KRABD3: variants seen among roughly 807,000 people sequenced by gnomAD.
The protein encoded by KRABD3 is KRAB domain containing 3.
chr7:149,722,791 C>T, the KRABD3 span: 1 of 1,602,122 alleles, frequency 6.2e-7, no homozygotes, highest in Non-Finnish European at 8.5e-7. Context: ...AGGAATTTCT[C>T]CTGGGAACAG....
At chr7:149,720,550 G>A in the KRABD3 span, among the ~76,000 whole-genome samples, 1 of 152,200 alleles carries the variant, frequency 6.6e-6, no homozygotes, top group Non-Finnish European at 1.5e-5. Context: ...GAAGTGTAGC[G>A]GCAGCCCGCC....
At chr7:149,721,063 T>C in the KRABD3 span, 2 of 1,540,474 alleles carry the variant, frequency 1.3e-6, no homozygotes, top group Non-Finnish European at 1.8e-6. Context: ...TCCACGGCAC[T>C]GCACTGCATG....
the KRABD3 span, chr7:149,721,791 A>C: frequency 1.5e-6 from 1 of 650,930 alleles, no homozygotes; most frequent in Non-Finnish European, 2.8e-6. Context: ...CACTTTGTAC[A>C]CAGAAAGTCT....
At chr7:149,729,249 C>A in the KRABD3 span, 4 of 1,602,860 alleles carry the variant, frequency 2.5e-6, no homozygotes, top group African/African-American at 2.7e-5. Context: ...AAGCGCCCAC[C>A]CGGAGCCTCC....
At chr7:149,729,569 G>T in the KRABD3 span, 1 of 985,454 alleles carries the variant, frequency 1.0e-6, no homozygotes, top group Non-Finnish European at 1.2e-6. Flanking sequence ...CAAGGAGCGG[G>T]GTCGGGAAGA....
the KRABD3 span, chr7:149,728,472 G>A: frequency 6.3e-7 from 1 of 1,594,020 alleles, no homozygotes; most frequent in Non-Finnish European, 8.5e-7. Context: ...TCTGCAGTTT[G>A]CAGAGATTGA....
the KRABD3 span, chr7:149,721,818 T>C: frequency 1.6e-6 from 1 of 606,912 alleles, no homozygotes; most frequent in Admixed American, 2.1e-5. Context: ...GTTTCTAACA[T>C]GCAGGCCCAC....
At chr7:149,734,039 G>A in the KRABD3 span, 3 of 1,602,856 alleles carry the variant, frequency 1.9e-6, no homozygotes, top group South Asian at 1.1e-5. Flanking sequence ...GAGATGGGGG[G>A]CGCATTGATG....
the KRABD3 span, chr7:149,723,672 T>C: frequency 6.5e-7 from 1 of 1,539,758 alleles, no homozygotes; most frequent in East Asian, 2.3e-5. Flanking sequence ...CCCCTGTTTG[T>C]TGTTTGTCAT....
the KRABD3 span, chr7:149,723,105 T>C: frequency 1.5e-6 from 1 of 668,648 alleles, no homozygotes; most frequent in Non-Finnish European, 2.4e-6. Context: ...GCCAGGTGGC[T>C]CTCTTAAGGG....
At chr7:149,725,960 C>A in the KRABD3 span, 2 of 1,605,006 alleles carry the variant, frequency 1.2e-6, no homozygotes, top group Middle Eastern at 1.7e-4. Flanking sequence ...GGCCCCTGGC[C>A]CCCCGAGGAA....
At chr7:149,722,680 C>G in the KRABD3 span, 1 of 1,495,396 alleles carries the variant, frequency 6.7e-7, no homozygotes, top group South Asian at 1.3e-5. Context: ...TCTGCATTCT[C>G]ACGGGTGGGA....
the KRABD3 span, chr7:149,725,474 G>C: frequency 6.2e-7 from 1 of 1,608,740 alleles, no homozygotes. Context: ...CAACCCCACA[G>C]ATCACACAGT....
the KRABD3 span, chr7:149,729,413 T>C: frequency 5.2e-6 from 7 of 1,348,592 alleles, no homozygotes; most frequent in Non-Finnish European, 6.7e-6. Flanking sequence ...CCCACTTCAG[T>C]TAAAGTGTTT....
the KRABD3 span, chr7:149,728,510 T>C: frequency 6.2e-7 from 1 of 1,612,476 alleles, no homozygotes. Flanking sequence ...CTGTGAATGT[T>C]TGATCTTCAC....
the KRABD3 span, chr7:149,729,245 C>T: frequency 6.2e-7 from 1 of 1,601,010 alleles, no homozygotes; most frequent in East Asian, 2.3e-5. Context: ...GGAGAAGCGC[C>T]CACCCGGAGC....
chr7:149,719,979 C>A, the KRABD3 span: 2 of 1,533,552 alleles, frequency 1.3e-6, no homozygotes, highest in Admixed American at 4.3e-5. The surrounding 1 kb of genome is among the most constrained non-coding windows in gnomAD (Gnocchi z 5.6). Flanking sequence ...ACTCCATTCC[C>A]AGGGCCACAG....
the KRABD3 span, chr7:149,729,776 A>C: frequency 1.0e-6 from 1 of 985,286 alleles, no homozygotes; most frequent in Non-Finnish European, 1.2e-6. Context: ...GCCCTAACTG[A>C]GCCCCACCCT....
At chr7:149,717,502 A>C in the KRABD3 span, among the ~76,000 whole-genome samples, 4 of 152,216 alleles carry the variant, frequency 2.6e-5, no homozygotes, top group African/African-American at 9.6e-5. Flanking sequence ...CTTTGAGAGA[A>C]GTTTTGGAGG....
Sources: allele counts gnomAD v4.1 joint callset (sites outside exome capture counted in the v4.1 genomes callset), GRCh38; gene constraint gnomAD v4.1.1; non-coding constraint Gnocchi (gnomAD v3.1); transcripts MANE v1.5; gene names NCBI Gene and HGNC (gene_info 2026-07-23, HGNC 2026-07-21).